The following MBOAT2 variants were observed in gnomAD, a reference collection of about 807,000 sequenced individuals.
MBOAT2 encodes membrane bound glycerophospholipid O-acyltransferase 2, also known as membrane-bound glycerophospholipid O-acyltransferase 2.
In MBOAT2, 28 loss-of-function variants were observed where a neutral mutation model predicts 63.4. The observed-to-expected ratio is 0.44, with a 90% CI of 0.33 to 0.61. The LOEUF (loss-of-function observed/expected upper bound fraction) is 0.61. Ranked by LOEUF, MBOAT2 falls within the 20% of genes least tolerant of loss-of-function variation. The pLI is 0.03. For missense variants in MBOAT2, 470 were observed against 605.8 expected (o/e 0.78, Z 2.35); for synonymous variants, 211 against 215.6 (o/e 0.98, Z 0.19).
At chr2:8,912,373 G>GAAAGAAAGAGAA (rs67420836) in intron 3 of MBOAT2, among the ~76,000 whole-genome samples, 3 of 84,272 alleles carry the variant, frequency 3.6e-5, no homozygotes, top group Admixed American at 1.3e-4. Context: ...AAGAAAGAAA[G>GAAAGAAAGAGAA]AGAAAGAAAG....
intron 1 of MBOAT2, among the ~76,000 whole-genome samples, chr2:8,978,680 G>A (rs946988410): frequency 1.2e-4 from 19 of 152,048 alleles, no homozygotes; most frequent in Admixed American, 1.1e-3. Flanking sequence ...GGGAGTGAGC[G>A]GAGAGAGAGC....
At chr2:8,864,291 AATAAT>A (rs1347316930) in intron 9 of MBOAT2, 57 bp from the exon 10 acceptor site, 15 of 979,544 alleles carry the variant, frequency 1.5e-5, no homozygotes, top group South Asian at 5.4e-5. Flanking sequence ...CTTTAAATAT[AATAAT>A]ATATTATTAT....
intron 1 of MBOAT2, among the ~76,000 whole-genome samples, chr2:8,979,869 C>T (rs1482914818): frequency 6.6e-6 from 1 of 152,128 alleles, no homozygotes; most frequent in African/African-American, 2.4e-5. Context: ...GATACGCAGA[C>T]TCCACTACTA....
Position 8,873,300 on chromosome 2 carries a change from T to C in MBOAT2, c.691A>G (p.Thr231Ala), listed in dbSNP as rs747291673. 1.2e-6 allele frequency: 2 copies of C among 1,612,146 alleles called. No individual in the cohort carries two copies. The highest frequency in any genetic ancestry group is 2.2e-5 in the South Asian group (2 of 90,842). ...ACTAAGAGCTTCTGAACAACCGCAG[T>C]CTGAAAAGCGCAAGGCGAGACTTCA... ...QYERTEPSPN[T>A]AVVQKLLVCG... Residue 231 changes from threonine to alanine, a missense_variant and splice_region_variant, in exon 8 of 13, where the codon ACT becomes GCT. Physicochemically the swap from Thr to Ala is moderately conservative, Grantham distance 58 (BLOSUM62 0). Coordinates refer to ENST00000305997, the MANE Select transcript of MBOAT2 (RefSeq NM_138799.4).
chr2:8,903,963 A>G lies in MBOAT2; in HGVS notation c.395+4658T>C, dbSNP rs1338375502. Among the ~76,000 whole-genome samples the G allele has an allele frequency of 3.3e-5, 5 of 152,080 alleles. No individual in the cohort carries two copies. In the South Asian group the frequency reaches 8.3e-4, roughly 25 times the overall value. Reference sequence around the variant, plus strand: ...AACAGATTAACTTGGGGGAATCAGTATCTTTTTTTTTTATTTTACTTTATT... The same window carrying G: ...AACAGATTAACTTGGGGGAATCAGTGTCTTTTTTTTTTATTTTACTTTATT... On this transcript the variant is annotated intron_variant, in intron 4 of 12. Transcript: ENST00000305997.
At position 8,857,248 on chromosome 2, in the gene MBOAT2, G is replaced by A. The variant is rs1428089092; in HGVS notation, c.*1431C>T. ...CATACATAGGTCAAACAAAGGTGAA[G>A]TCAGAAGGCTTTGCCCCCTCCCCTC... On this transcript the variant is annotated 3_prime_UTR_variant, in exon 13 of 13. Coordinates refer to ENST00000305997, the MANE Select transcript of MBOAT2 (RefSeq NM_138799.4). 1 of 152,654 alleles carries A rather than the reference G, an allele frequency of 6.6e-6. No homozygotes were observed. The highest frequency in any genetic ancestry group is 2.4e-5 in the African/African-American group (1 of 41,458). 9.5% of individuals were successfully genotyped at this position (152,654 alleles called of 1,614,324 possible). A position where few individuals can be genotyped will look rare whatever the true frequency, so the allele number is the denominator to read the frequency against.
chr2:8,886,353 C>A (rs1298318550), intron 5 of MBOAT2, among the ~76,000 whole-genome samples: 2 of 152,206 alleles, frequency 1.3e-5, no homozygotes, highest in East Asian at 3.8e-4. Context: ...TAAATGTTAG[C>A]CTTGAATTCA....
chr2:8,914,490 A>G (rs1437099077), intron 3 of MBOAT2, among the ~76,000 whole-genome samples: 2 of 121,708 alleles, frequency 1.6e-5, no homozygotes, highest in Non-Finnish European at 3.7e-5. Flanking sequence ...AGAGTTCAGG[A>G]AAAAAAAAAA....
At chr2:8,995,550 T>C (rs1178533341) in intron 1 of MBOAT2, among the ~76,000 whole-genome samples, 2 of 152,358 alleles carry the variant, frequency 1.3e-5, no homozygotes, top group Middle Eastern at 3.4e-3. Context: ...CGAGTACATG[T>C]TAATGTGTTA....
chr2:8,920,131 C>G (rs1666471384), intron 3 of MBOAT2, among the ~76,000 whole-genome samples: 1 of 152,096 alleles, frequency 6.6e-6, no homozygotes, highest in South Asian at 2.1e-4. Flanking sequence ...AATCACAAGT[C>G]ACAGAGAATT....
At chr2:8,871,405 A>G (rs1013874616) in intron 8 of MBOAT2, among the ~76,000 whole-genome samples, 1 of 152,194 alleles carries the variant, frequency 6.6e-6, no homozygotes. Context: ...TCCAACAACT[A>G]GATGTCCAAC....
At chr2:8,950,939 T>C (rs1668782234) in intron 2 of MBOAT2, among the ~76,000 whole-genome samples, 2 of 152,200 alleles carry the variant, frequency 1.3e-5, no homozygotes, top group Non-Finnish European at 2.9e-5. Flanking sequence ...TGGTGAACCA[T>C]TGATTTGTAT....
chr2:8,953,070 G>T (rs1323569137), intron 2 of MBOAT2, among the ~76,000 whole-genome samples: 4 of 152,120 alleles, frequency 2.6e-5, no homozygotes, highest in African/African-American at 9.7e-5. Flanking sequence ...GGGTCTGTGG[G>T]CTATATATTT....
At chr2:8,885,214 A>G (rs1190604823) in intron 5 of MBOAT2, among the ~76,000 whole-genome samples, 2 of 152,246 alleles carry the variant, frequency 1.3e-5, no homozygotes, top group Non-Finnish European at 2.9e-5. Context: ...GTCAGGAATC[A>G]TGGCGATGCC....
At chr2:8,968,923 G>A (rs781583810) in intron 1 of MBOAT2, among the ~76,000 whole-genome samples, 4 of 152,130 alleles carry the variant, frequency 2.6e-5, no homozygotes, top group Admixed American at 1.3e-4. Context: ...TAAAAGTGAC[G>A]GGGAGAATGG....
chr2:8,942,617 C>T (rs1668133462), intron 3 of MBOAT2, among the ~76,000 whole-genome samples: 1 of 152,170 alleles, frequency 6.6e-6, no homozygotes, highest in Admixed American at 6.5e-5. Context: ...ACTTGAAATG[C>T]CTATGCCACC....
intron 2 of MBOAT2, among the ~76,000 whole-genome samples, chr2:8,957,599 C>A (rs1336682992): frequency 6.6e-6 from 1 of 152,180 alleles, no homozygotes; most frequent in African/African-American, 2.4e-5. Flanking sequence ...TCATCAAAGT[C>A]CCAGAGATTC....
intron 3 of MBOAT2, among the ~76,000 whole-genome samples, chr2:8,921,404 T>C (rs999250373): frequency 1.3e-5 from 2 of 152,212 alleles, no homozygotes; most frequent in African/African-American, 4.8e-5. Context: ...ATATATGGCA[T>C]CTACATATTT....
intron 2 of MBOAT2, among the ~76,000 whole-genome samples, chr2:8,955,946 T>TA (rs1177384754): frequency 4.6e-5 from 7 of 152,232 alleles, no homozygotes; most frequent in African/African-American, 1.7e-4. Flanking sequence ...AGTATTTTTT[T>TA]ACCAATAAAA....
Sources: allele counts gnomAD v4.1 joint callset (sites outside exome capture counted in the v4.1 genomes callset), GRCh38; gene constraint gnomAD v4.1.1; transcripts MANE v1.5; gene names NCBI Gene and HGNC (gene_info 2026-07-23, HGNC 2026-07-21).